Variants in WASF1 observed in about 807,000 individuals in gnomAD.
WASF1 encodes the protein actin-binding protein WASF1.
A neutral mutation model predicts 50.5 loss-of-function variants in WASF1; 7 were observed. The ratio of observed to expected loss-of-function variants is 0.14; its 90% CI spans 0.08 to 0.26. The LOEUF is 0.26. WASF1 is among the 10% of genes least tolerant of loss of function. The probability of loss-of-function intolerance (pLI) is 1.00; values close to 1 mark genes in which losing one functional copy is unlikely to be tolerated. For synonymous variants in WASF1, 205 were observed against 244.0 expected (o/e 0.84, Z 1.49); for missense variants, 470 against 694.7 (o/e 0.68, Z 3.64).
chr6:110,102,358 C>CGGCCGGGCGCGGTGGCT, intron 9 of WASF1, 142 bp from the exon 10 acceptor site: 4 of 779,360 alleles, frequency 5.1e-6, no homozygotes, highest in Non-Finnish European at 5.2e-6. Context: ...TTAACATCTT[C>CGGCCGGGCGCGGTGGCT]AACAGTATTT....
At chr6:110,170,149 T>A (rs111862867) in intron 2 of WASF1, among the ~76,000 whole-genome samples, 1,943 of 152,158 alleles carry the variant, frequency 0.013, 48 homozygotes, top group African/African-American at 0.045. Flanking sequence ...ATAATTGATA[T>A]GCTAAGAGAG....
chr6:110,146,593 G>A (rs982459176), intron 3 of WASF1, among the ~76,000 whole-genome samples: 71 of 151,580 alleles, frequency 4.7e-4, no homozygotes, highest in Non-Finnish European at 8.5e-4. Flanking sequence ...AAAACCACAG[G>A]TCTTTAAACG....
chr6:110,144,491 G>T (rs1384259297), intron 3 of WASF1, among the ~76,000 whole-genome samples: 3 of 152,186 alleles, frequency 2.0e-5, no homozygotes, highest in Middle Eastern at 3.4e-3. Flanking sequence ...GTCAATTCTG[G>T]CTTTTGTTGC....
chr6:110,125,890 G>A (rs1393898041), intron 4 of WASF1, among the ~76,000 whole-genome samples: 1 of 152,094 alleles, frequency 6.6e-6, no homozygotes, highest in East Asian at 1.9e-4. Flanking sequence ...GGACTATATA[G>A]ACTTAAAAAT....
intron 4 of WASF1, among the ~76,000 whole-genome samples, chr6:110,117,781 C>G (rs924117776): frequency 3.9e-5 from 6 of 152,174 alleles, no homozygotes; most frequent in African/African-American, 1.4e-4. Flanking sequence ...GGGTTACCTA[C>G]AAAGGGAAGC....
chr6:110,146,526 C>T lies in WASF1; in HGVS notation c.-29+14109G>A, dbSNP rs919813261. 2.6e-5 allele frequency among the ~76,000 whole-genome samples: 4 copies of T among 151,486 alleles called. No homozygotes were observed. The East Asian group carries it at 5.8e-4, about 22-fold the overall frequency. ...GAAGAACTGTACATTAAAAATATAT[C>T]TAATTTTTTATTTAAAAATATATAT... On this transcript the variant is annotated intron_variant, in intron 3 of 10. Transcript: ENST00000392589.
chr6:110,116,716 C>A (rs939398050), intron 4 of WASF1, among the ~76,000 whole-genome samples: 1 of 152,178 alleles, frequency 6.6e-6, no homozygotes, highest in Non-Finnish European at 1.5e-5. Flanking sequence ...GGACAGACTG[C>A]CTCCTCAAGT....
At position 110,108,385 on chromosome 6, in the gene WASF1, G is replaced by A. The variant is rs79205957; in HGVS notation, c.422+143C>T. The A allele has an allele frequency of 2.5e-4, 183 of 730,706 alleles. 1 individual carries two copies. The East Asian group carries it at 4.9e-3, about 20-fold the overall frequency. The allele number at this position is 730,706 out of a possible 1,614,324, so 45.3% of individuals were successfully genotyped here. A position where few individuals can be genotyped will look rare whatever the true frequency, so the allele number is the denominator to read the frequency against. On this transcript the variant is annotated intron_variant, in intron 6 of 10. Coordinates refer to ENST00000392589, the MANE Select transcript of WASF1 (RefSeq NM_003931.3). ...TTAAGAATTCATCCAATGAATAAAA[G>A]CAAAGGTTTTCCAAAGGTGGTGGAC...
chr6:110,141,031 A>G (rs984248718), intron 3 of WASF1, among the ~76,000 whole-genome samples: 16 of 152,114 alleles, frequency 1.1e-4, no homozygotes, highest in African/African-American at 3.9e-4. Flanking sequence ...TTTAAAACTT[A>G]TGAATTTTTT....
intron 6 of WASF1, among the ~76,000 whole-genome samples, chr6:110,108,004 A>T (rs906480712): frequency 1.3e-5 from 2 of 151,994 alleles, no homozygotes; most frequent in African/African-American, 2.4e-5. Context: ...TCTACTAAAA[A>T]TATAAAAATT....
At chr6:110,158,823 A>T (rs970163762) in intron 3 of WASF1, among the ~76,000 whole-genome samples, 1 of 151,974 alleles carries the variant, frequency 6.6e-6, no homozygotes, top group Admixed American at 6.6e-5. Flanking sequence ...TATCTAGCTC[A>T]ATCCAATTAA....
chr6:110,177,185 A>G (rs1305474533), intron 2 of WASF1: 2 of 152,070 alleles, frequency 1.3e-5, no homozygotes, highest in Non-Finnish European at 2.9e-5. Flanking sequence ...GGATTGTAAC[A>G]CCTGCAAATT....
chr6:110,142,295 T>G (rs1775280273), intron 3 of WASF1, among the ~76,000 whole-genome samples: 1 of 151,706 alleles, frequency 6.6e-6, no homozygotes, highest in Non-Finnish European at 1.5e-5. Flanking sequence ...TGAAATATTA[T>G]CCAAATCGCA....
At chr6:110,110,434 A>C (rs1773505807) in intron 5 of WASF1, among the ~76,000 whole-genome samples, 3 of 152,312 alleles carry the variant, frequency 2.0e-5, no homozygotes, top group Middle Eastern at 3.4e-3. Context: ...CCACTTATTA[A>C]TCAATAAGTA....
intron 3 of WASF1, among the ~76,000 whole-genome samples, chr6:110,158,882 G>A (rs533421634): frequency 6.6e-6 from 1 of 151,856 alleles, no homozygotes; most frequent in Non-Finnish European, 1.5e-5. Context: ...AAACCTTCTT[G>A]ATAAACCCAG....
intron 3 of WASF1, among the ~76,000 whole-genome samples, chr6:110,148,633 T>C (rs544342609): frequency 1.2e-3 from 188 of 152,252 alleles, no homozygotes; most frequent in African/African-American, 4.4e-3. Flanking sequence ...GAAGGTCATA[T>C]TGACGATTTT....
At chr6:110,141,548 A>G (rs145055402) in intron 3 of WASF1, among the ~76,000 whole-genome samples, 1 of 152,216 alleles carries the variant, frequency 6.6e-6, no homozygotes, top group Admixed American at 6.5e-5. Flanking sequence ...ATACTTTACT[A>G]TACTGTGCTT....
intron 3 of WASF1, among the ~76,000 whole-genome samples, chr6:110,135,876 C>CTTTTT (rs778710982): frequency 2.7e-3 from 187 of 68,310 alleles, no homozygotes; most frequent in Non-Finnish European, 3.1e-3. Flanking sequence ...AGTCCATTAT[C>CTTTTT]TTTTTTTTTT....
At chr6:110,143,259 C>T (rs989067309) in intron 3 of WASF1, among the ~76,000 whole-genome samples, 1 of 151,746 alleles carries the variant, frequency 6.6e-6, no homozygotes, top group Non-Finnish European at 1.5e-5. Flanking sequence ...CTCACAATAT[C>T]TTATATTGAA....
Sources: gnomAD v4.1 joint callset for allele counts (sites outside exome capture counted in the v4.1 genomes callset) on GRCh38, gnomAD v4.1.1 for gene constraint, MANE v1.5 for transcripts, NCBI Gene and HGNC (gene_info 2026-07-23, HGNC 2026-07-21) for gene names.